Variants in BEND7 observed in about 807,000 individuals in gnomAD.
BEND7 encodes the protein BEN domain-containing protein 7.
Under a neutral mutation model 50.9 loss-of-function variants are expected in BEND7, and 28 were observed. That is an observed-to-expected ratio of 0.55 (90% CI 0.41 to 0.75). BEND7 has a LOEUF of 0.75. BEND7 is among the 30% of genes least tolerant of loss of function. The pLI is 0.00. For missense variants in BEND7, 477 were observed against 491.3 expected (o/e 0.97, Z 0.28); for synonymous variants, 170 against 183.9 (o/e 0.92, Z 0.61).
intron 6 of BEND7, among the ~76,000 whole-genome samples, chr10:13,478,431 A>C (rs1004582915): frequency 3.3e-5 from 5 of 152,232 alleles, no homozygotes; most frequent in Non-Finnish European, 7.3e-5. Flanking sequence ...GCAACAGGTA[A>C]TAAAAACATA....
chr10:13,451,759 C>CG (rs57952038), intron 7 of BEND7, among the ~76,000 whole-genome samples: 1 of 122,180 alleles, frequency 8.2e-6, no homozygotes, highest in African/African-American at 3.1e-5. Flanking sequence ...ATCCCTCCCC[C>CG]TCCCCCCACC....
chr10:13,446,584 T>A (rs901227901), intron 8 of BEND7: 1 of 152,348 alleles, frequency 6.6e-6, no homozygotes, highest in African/African-American at 2.4e-5. Flanking sequence ...ACAAGGCTCA[T>A]TGATCAGACA....
At chr10:13,475,609 A>G (rs575464558) in intron 6 of BEND7, among the ~76,000 whole-genome samples, 21 of 152,358 alleles carry the variant, frequency 1.4e-4, no homozygotes, top group African/African-American at 5.0e-4. Context: ...ATGTATAGCT[A>G]TATTTTAAAC....
intron 2 of BEND7, among the ~76,000 whole-genome samples, chr10:13,522,509 C>T (rs1447127982): frequency 6.6e-6 from 1 of 152,156 alleles, no homozygotes; most frequent in African/African-American, 2.4e-5. Flanking sequence ...GTAAAAATCC[C>T]GAGAAGACAG....
intron 3 of BEND7, among the ~76,000 whole-genome samples, chr10:13,497,609 A>G (rs905336738): frequency 1.3e-5 from 2 of 152,132 alleles, no homozygotes; most frequent in African/African-American, 4.8e-5. Flanking sequence ...GTTTAAATTT[A>G]ATGCCTTTTC....
chr10:13,461,346 G>T (rs1466630996), intron 6 of BEND7, among the ~76,000 whole-genome samples: 1 of 152,186 alleles, frequency 6.6e-6, no homozygotes, highest in Non-Finnish European at 1.5e-5. Flanking sequence ...CTCTGGTGAG[G>T]CTGCAAAGGG....
At chr10:13,519,752 T>C (rs1260815679) in intron 2 of BEND7, among the ~76,000 whole-genome samples, 2 of 152,238 alleles carry the variant, frequency 1.3e-5, no homozygotes, top group East Asian at 1.9e-4. Context: ...TGCTACGCTA[T>C]GTAAACTGAG....
intron 1 of BEND7, among the ~76,000 whole-genome samples, chr10:13,527,047 C>A (rs2079491149): frequency 1.3e-5 from 2 of 152,272 alleles, no homozygotes; most frequent in South Asian, 4.1e-4. Flanking sequence ...TGGCCTTAGA[C>A]CTCACAGGAC....
intron 2 of BEND7, among the ~76,000 whole-genome samples, chr10:13,524,836 G>A (rs1037895331): frequency 6.6e-6 from 1 of 152,050 alleles, no homozygotes; most frequent in Non-Finnish European, 1.5e-5. Flanking sequence ...TCCCTCAGCA[G>A]AAAGATCTAT....
chr10:13,519,418 G>A (rs1006174797), intron 2 of BEND7, among the ~76,000 whole-genome samples: 35 of 152,164 alleles, frequency 2.3e-4, no homozygotes, highest in African/African-American at 8.2e-4. Flanking sequence ...GGAGCTTGCA[G>A]TGAGCCGAGA....
At chr10:13,524,644 CAAAAAAAA>C (rs58967065) in intron 2 of BEND7, among the ~76,000 whole-genome samples, 1 of 88,544 alleles carries the variant, frequency 1.1e-5, no homozygotes. Flanking sequence ...ACCTCCGTCT[CAAAAAAAA>C]AAAAAAAAAA....
intron 4 of BEND7, 77 bp from the exon 5 acceptor site, chr10:13,492,953 G>C (rs2076773779): frequency 6.6e-7 from 1 of 1,505,656 alleles, no homozygotes; most frequent in Non-Finnish European, 9.0e-7. Context: ...CTATCCATGT[G>C]ATCTACAAAC....
At chr10:13,491,326 A>AG (rs2076644165) in intron 5 of BEND7, among the ~76,000 whole-genome samples, 1 of 151,824 alleles carries the variant, frequency 6.6e-6, no homozygotes, top group Admixed American at 6.6e-5. Context: ...AAAAAAAAAA[A>AG]AAAAAATGCT....
intron 2 of BEND7, among the ~76,000 whole-genome samples, chr10:13,520,042 C>T (rs924809952): frequency 6.6e-6 from 1 of 152,112 alleles, no homozygotes; most frequent in East Asian, 1.9e-4. Context: ...GAGAGGAGAG[C>T]GGGGCCTCAC....
At chr10:13,468,228 G>A (rs1301528478) in intron 6 of BEND7, among the ~76,000 whole-genome samples, 5 of 152,170 alleles carry the variant, frequency 3.3e-5, no homozygotes, top group Non-Finnish European at 5.9e-5. Flanking sequence ...CTGGCACTCA[G>A]AGAAAGGGGC....
At chr10:13,501,374 CAAAA>C (rs58905816) in intron 2 of BEND7, among the ~76,000 whole-genome samples, 7 of 72,944 alleles carry the variant, frequency 9.6e-5, no homozygotes, top group African/African-American at 2.6e-4. Context: ...AACTCCATCT[CAAAA>C]AAAAAAAAAA....
intron 6 of BEND7, among the ~76,000 whole-genome samples, chr10:13,457,378 G>A (rs1044891777): frequency 2.6e-5 from 4 of 152,142 alleles, no homozygotes; most frequent in African/African-American, 9.7e-5. Context: ...GGGCAGCCGT[G>A]TCTGGTTATT....
chr10:13,509,124 C>CA (rs1231682737), intron 2 of BEND7, among the ~76,000 whole-genome samples: 2 of 152,190 alleles, frequency 1.3e-5, no homozygotes, highest in African/African-American at 4.8e-5. Flanking sequence ...CACGGCTTCT[C>CA]AAACTTTTCC....
chr10:13,496,526 A>T (rs1454211996), intron 4 of BEND7, among the ~76,000 whole-genome samples: 2 of 152,254 alleles, frequency 1.3e-5, no homozygotes, highest in East Asian at 3.8e-4. Flanking sequence ...CATGGAATGA[A>T]GTCTATCGAG....
Sources: allele counts gnomAD v4.1 joint callset (sites outside exome capture counted in the v4.1 genomes callset), GRCh38; gene constraint gnomAD v4.1.1; transcripts MANE v1.5; gene names NCBI Gene and HGNC (gene_info 2026-07-23, HGNC 2026-07-21).